Variants in MAD1L1 observed in about 807,000 individuals in gnomAD.
The protein encoded by MAD1L1 is mitotic spindle assembly checkpoint protein MAD1.
In MAD1L1, 95 loss-of-function variants were observed where a neutral mutation model predicts 96.9. The ratio of observed to expected loss-of-function variants is 0.98; its 90% CI spans 0.83 to 1.16. The LOEUF (loss-of-function observed/expected upper bound fraction) is 1.16. MAD1L1 is among the 50% of genes most tolerant of loss of function. The pLI is 0.00. For missense variants in MAD1L1, 1,007 were observed against 954.4 expected (o/e 1.06, Z -0.73); for synonymous variants, 473 against 396.6 (o/e 1.19, Z -2.29).
chr7:1,955,855 G>GCCCC (rs1278890150), intron 16 of MAD1L1, among the ~76,000 whole-genome samples: 1 of 152,154 alleles, frequency 6.6e-6, no homozygotes, highest in Non-Finnish European at 1.5e-5. Flanking sequence ...GGGCTCTTCA[G>GCCCC]TTATTTGACT....
chr7:2,071,105 A>G (rs1358992550), intron 11 of MAD1L1, among the ~76,000 whole-genome samples: 1 of 150,568 alleles, frequency 6.6e-6, no homozygotes, highest in Non-Finnish European at 1.5e-5. Context: ...TGGTTTGGGG[A>G]AGGGAAAGCT....
intron 11 of MAD1L1, among the ~76,000 whole-genome samples, chr7:2,127,518 G>T (rs549259243): frequency 6.6e-6 from 1 of 152,270 alleles, no homozygotes; most frequent in South Asian, 2.1e-4. Flanking sequence ...CGACCACACC[G>T]ACCGGTAGGA....
chr7:2,043,484 C>T (rs1783782266), intron 12 of MAD1L1, among the ~76,000 whole-genome samples: 2 of 152,242 alleles, frequency 1.3e-5, no homozygotes, highest in Non-Finnish European at 2.9e-5. Flanking sequence ...CCTTAGGAGG[C>T]CCTCGGCACG....
chr7:1,972,932 G>C (rs1443134784), intron 15 of MAD1L1, among the ~76,000 whole-genome samples: 1 of 152,164 alleles, frequency 6.6e-6, no homozygotes, highest in East Asian at 1.9e-4. Flanking sequence ...GACATGTGTT[G>C]CTAATCTCCT....
At chr7:2,034,366 A>G (rs1783369167) in intron 12 of MAD1L1, among the ~76,000 whole-genome samples, 1 of 151,944 alleles carries the variant, frequency 6.6e-6, no homozygotes, top group African/African-American at 2.4e-5. Context: ...ACAGGCACAC[A>G]CCACCACGCC....
chr7:1,853,873 G>A (rs531868175), intron 18 of MAD1L1, among the ~76,000 whole-genome samples: 1 of 152,328 alleles, frequency 6.6e-6, no homozygotes, highest in Non-Finnish European at 1.5e-5. Context: ...CTGGCCGTCT[G>A]ACAGGTGGAC....
intron 18 of MAD1L1, among the ~76,000 whole-genome samples, chr7:1,824,153 C>G (rs1782269708): frequency 6.6e-6 from 1 of 152,172 alleles, no homozygotes; most frequent in Non-Finnish European, 1.5e-5. Context: ...AGCACACACC[C>G]TCAACAGACC....
chr7:1,829,337 G>C (rs927283601), intron 18 of MAD1L1: 14 of 152,296 alleles, frequency 9.2e-5, no homozygotes, highest in African/African-American at 3.4e-4. Flanking sequence ...CTGGTTCTCA[G>C]AGCTCTGACC....
At chr7:2,205,991 G>A (rs1792578419) in intron 10 of MAD1L1, among the ~76,000 whole-genome samples, 1 of 152,136 alleles carries the variant, frequency 6.6e-6, no homozygotes, top group African/African-American at 2.4e-5. Flanking sequence ...AATTAGCCGG[G>A]TGTGGTGGTG....
chr7:2,222,741 C>T lies in MAD1L1; in HGVS notation c.305G>A (p.Arg102His), dbSNP rs755422305. ...GATGCGCGTCAGGAGCTCCTGGTTG[C>T]GGTCGACCTCACGCTGTTAAGAGAG... is the stretch of plus-strand genomic sequence containing the variant. ...SARNYEREVD[R>H]NQELLTRIRQ... Residue 102 changes from arginine to histidine, a missense_variant, in exon 5 of 19, where the codon CGC becomes CAC. By Grantham distance (29) the Arg-to-His change is conservative (BLOSUM62 0). Coordinates refer to ENST00000265854, the MANE Select transcript of MAD1L1 (RefSeq NM_001013836.2). 3.7e-6 allele frequency: 6 copies of T among 1,601,768 alleles called. No homozygotes were observed. The highest frequency in any genetic ancestry group is 3.3e-5 in the South Asian group (3 of 90,474).
At chr7:1,936,584 G>C (rs1778616024) in intron 17 of MAD1L1, 103 bp downstream of exon 17, 2 of 1,220,760 alleles carry the variant, frequency 1.6e-6, no homozygotes, top group Admixed American at 4.4e-5. Flanking sequence ...CAAACCCTCT[G>C]GGGATGACAG....
At position 2,225,411 on chromosome 7, in the gene MAD1L1, T is replaced by C; in HGVS notation, c.290A>G (p.Glu97Gly). Residue 97 changes from glutamate (E) to glycine (G), a missense_variant and splice_region_variant, in exon 4 of 19, where the codon GAG (glutamate) becomes GGG (glycine). Transcript: ENST00000265854. ...GACCCTCGCCCCGCCTGAACCCACC[T>C]CGTAGTTCCTGGCACTGGTGCTGGC... is the stretch of plus-strand genomic sequence containing the variant. ...RAASTSARNY[E>G]REVDRNQELL... The C allele has an allele frequency of 6.2e-7, 1 of 1,612,830 alleles. No homozygotes were observed. Among genetic ancestry groups the C allele is most frequent in the East Asian group, 2.2e-5 (1 of 44,888 alleles).
At chr7:1,870,827 T>A (rs1785033520) in intron 18 of MAD1L1, among the ~76,000 whole-genome samples, 1 of 13,210 alleles carries the variant, frequency 7.6e-5, no homozygotes, top group Non-Finnish European at 1.1e-4. Flanking sequence ...GAACCGACCA[T>A]AACACCTGCC....
At position 1,960,900 on chromosome 7, in the gene MAD1L1, G is replaced by C. The variant is rs375690562; in HGVS notation, c.1506-3181C>G. Among the ~76,000 whole-genome samples the C allele has an allele frequency of 9.2e-5, 14 of 152,146 alleles. No homozygotes were observed. The East Asian group carries it at 9.6e-4, about 10-fold the overall frequency. On this transcript the variant is annotated intron_variant, in intron 15 of 18. Coordinates refer to ENST00000265854, the MANE Select transcript of MAD1L1 (RefSeq NM_001013836.2). ...ACCTCATGCTAAACCATAAAAGAAGGCTCAGTCTATTTAGGAATTTCATAA... is the reference window on the plus strand; with the variant it reads ...ACCTCATGCTAAACCATAAAAGAAGCCTCAGTCTATTTAGGAATTTCATAA...
chr7:2,167,162 G>C (rs1214694147), intron 10 of MAD1L1, among the ~76,000 whole-genome samples: 1 of 152,204 alleles, frequency 6.6e-6, no homozygotes, highest in East Asian at 1.9e-4. Flanking sequence ...AGGTGCTGCT[G>C]CAAGTGGGCG....
intron 16 of MAD1L1, among the ~76,000 whole-genome samples, chr7:1,957,333 A>G (rs1390609578): frequency 6.6e-6 from 1 of 152,256 alleles, no homozygotes; most frequent in Non-Finnish European, 1.5e-5. Flanking sequence ...ACAGCAGTCC[A>G]GCCTCGCCAC....
chr7:1,957,100 A>C (rs983699647), intron 16 of MAD1L1, among the ~76,000 whole-genome samples: 11 of 152,248 alleles, frequency 7.2e-5, no homozygotes, highest in African/African-American at 1.4e-4. Flanking sequence ...TCCTAGGCTG[A>C]GGACAGGCCA....
At chr7:1,830,883 T>C (rs1001048248) in intron 18 of MAD1L1, among the ~76,000 whole-genome samples, 25 of 152,210 alleles carry the variant, frequency 1.6e-4, no homozygotes, top group South Asian at 4.1e-4. Context: ...AACAAGATGA[T>C]AGACTTATCT....
intron 10 of MAD1L1, among the ~76,000 whole-genome samples, chr7:2,182,108 C>T (rs961128815): frequency 2.0e-5 from 3 of 151,884 alleles, no homozygotes; most frequent in Non-Finnish European, 2.9e-5. Context: ...ACACCACGTT[C>T]CCCAAAAACT....
Sources: gnomAD v4.1 joint callset for allele counts (sites outside exome capture counted in the v4.1 genomes callset) on GRCh38, gnomAD v4.1.1 for gene constraint, MANE v1.5 for transcripts, NCBI Gene and HGNC (gene_info 2026-07-23, HGNC 2026-07-21) for gene names.